FAM229B: variants seen among roughly 807,000 people sequenced by gnomAD.
FAM229B encodes the protein family with sequence similarity 229 member B, also known as protein FAM229B.
A neutral mutation model predicts 6.7 loss-of-function variants in FAM229B; 2 were observed. That is an observed-to-expected ratio of 0.30 (90% CI 0.12 to 0.94). The LOEUF (loss-of-function observed/expected upper bound fraction) is 0.94, where lower values mean the gene tolerates loss of function less well. Ranked by LOEUF, FAM229B falls within the 40% of genes least tolerant of loss-of-function variation. The pLI, the probability that FAM229B is intolerant of heterozygous loss-of-function variation, is 0.54. For synonymous variants in FAM229B, 29 were observed against 34.0 expected (o/e 0.85, Z 0.51); for missense variants, 93 against 96.2 (o/e 0.97, Z 0.14).
chr6:112,087,909 T>C lies in FAM229B; in HGVS notation c.-176+189T>C, dbSNP rs149880190. On this transcript the variant is annotated intron_variant, in intron 1 of 3. Transcript: ENST00000368656. ...CTTTATTCTAATAGAAAATGAACAA[T>C]GGCGTTGAGCAAAGAGAAACCCCAG... 4.7e-3 allele frequency among the ~76,000 whole-genome samples: 712 copies of C among 152,250 alleles called. 10 individuals carry two copies. The highest frequency in any genetic ancestry group is 0.016 in the African/African-American group (674 of 41,538).
At chr6:112,094,206 T>C (rs1157342801) in intron 1 of FAM229B, among the ~76,000 whole-genome samples, 37 of 151,964 alleles carry the variant, frequency 2.4e-4, no homozygotes. Context: ...TAATAAAGAT[T>C]GGAGTGGAAA....
chr6:112,093,422 T>C (rs1441805611), intron 1 of FAM229B, among the ~76,000 whole-genome samples: 2 of 152,074 alleles, frequency 1.3e-5, no homozygotes, highest in Non-Finnish European at 2.9e-5. Flanking sequence ...ATCACAATTA[T>C]TGTTGGAGAT....
chr6:112,098,274 C>A lies in FAM229B; in HGVS notation c.-14-996C>A, dbSNP rs139084665. On this transcript the variant is annotated intron_variant, in intron 2 of 3. Coordinates refer to ENST00000368656, the MANE Select transcript of FAM229B (RefSeq NM_001033564.3). ...ACTTAATGGATTGCATTGGCCATAG[C>A]AAGTGAAGGGTGGGAGCAGGGGGTA... Among the ~76,000 whole-genome samples the A allele has an allele frequency of 2.6e-5, 4 of 152,110 alleles. No individual in the cohort carries two copies. The East Asian group carries it at 7.7e-4, about 29-fold the overall frequency.
At chr6:112,091,260 G>A (rs1252074998) in intron 1 of FAM229B, among the ~76,000 whole-genome samples, 2 of 152,018 alleles carry the variant, frequency 1.3e-5, no homozygotes, top group Non-Finnish European at 2.9e-5. Flanking sequence ...TTATTTGTTA[G>A]AGAGTATGCA....
intron 2 of FAM229B, among the ~76,000 whole-genome samples, chr6:112,097,956 G>T (rs1246651049): frequency 6.6e-6 from 1 of 152,150 alleles, no homozygotes; most frequent in Non-Finnish European, 1.5e-5. Context: ...TCCCACCAGG[G>T]GACATTTGAC....
chr6:112,092,808 T>C (rs1351517665), intron 1 of FAM229B, among the ~76,000 whole-genome samples: 1 of 151,914 alleles, frequency 6.6e-6, no homozygotes, highest in East Asian at 1.9e-4. Context: ...ATATGTGAAG[T>C]GGTATAATGT....
chr6:112,098,268 C>T (rs112819723), intron 2 of FAM229B, among the ~76,000 whole-genome samples: 2,214 of 152,166 alleles, frequency 0.015, 60 homozygotes, highest in African/African-American at 0.051. Context: ...ATTGCATTGG[C>T]CATAGCAAGT....
intron 1 of FAM229B, among the ~76,000 whole-genome samples, chr6:112,095,830 A>G (rs1299537358): frequency 6.6e-6 from 1 of 152,088 alleles, no homozygotes; most frequent in Non-Finnish European, 1.5e-5. Flanking sequence ...AATGGCCAGC[A>G]ATTATTTGTT....
At chr6:112,089,377 C>T (rs1323102594) in intron 1 of FAM229B, among the ~76,000 whole-genome samples, 1 of 142,852 alleles carries the variant, frequency 7.0e-6, no homozygotes, top group Non-Finnish European at 1.6e-5. Context: ...AAAACCTAGC[C>T]TAAGAGGGGA....
intron 1 of FAM229B, among the ~76,000 whole-genome samples, chr6:112,093,560 T>G (rs2114504264): frequency 6.6e-6 from 1 of 152,242 alleles, no homozygotes; most frequent in Non-Finnish European, 1.5e-5. Flanking sequence ...TATAGCAGCA[T>G]GTACATTCAA....
At chr6:112,095,662 C>CAAAAA (rs376039549) in intron 1 of FAM229B, among the ~76,000 whole-genome samples, 2 of 77,902 alleles carry the variant, frequency 2.6e-5, no homozygotes, top group Non-Finnish European at 5.4e-5. Flanking sequence ...AAAAAAAAAC[C>CAAAAA]AAAAAAAAAA....
chr6:112,100,053 C>T (rs1431749441), intron 3 of FAM229B, among the ~76,000 whole-genome samples: 3 of 152,104 alleles, frequency 2.0e-5, no homozygotes, highest in Admixed American at 6.6e-5. Flanking sequence ...ATTTAAAAAT[C>T]GGAGTTAGTC....
chr6:112,096,795 TATAAG>T (rs370440715), intron 1 of FAM229B, among the ~76,000 whole-genome samples: 1 of 152,038 alleles, frequency 6.6e-6, no homozygotes, highest in Non-Finnish European at 1.5e-5. Flanking sequence ...TTTGGGATGT[TATAAG>T]AGAAGGTCTG....
At chr6:112,093,188 TAAAAG>T (rs1777280264) in intron 1 of FAM229B, among the ~76,000 whole-genome samples, 1 of 151,626 alleles carries the variant, frequency 6.6e-6, no homozygotes, top group South Asian at 2.1e-4. Flanking sequence ...TGGTTAAAAA[TAAAAG>T]AATAGGAAAA....
At chr6:112,099,516 AC>A in intron 3 of FAM229B, 108 bp downstream of exon 3, 2 of 1,116,898 alleles carry the variant, frequency 1.8e-6, no homozygotes, top group Non-Finnish European at 2.5e-6. Flanking sequence ...CAATTCAAAA[AC>A]ATTGTTGTTT....
Position 112,099,365 on chromosome 6 carries a change from A to G in FAM229B, c.82A>G (p.Ser28Gly). The change falls in exon 3 of 4, where the codon AGC becomes GGC. Residue 28 changes from serine (S) to glycine (G), a missense_variant. Physicochemically the swap from Ser to Gly is moderately conservative, Grantham distance 56. Coordinates refer to ENST00000368656, the MANE Select transcript of FAM229B (RefSeq NM_001033564.3). ...DSSIELEPGL[S>G]SSAACNGKEM... ...TTCAATTGAGCTGGAACCTGGGCTG[A>G]GCTCCAGTGCTGCCTGTAATGGGAA... 1 of 1,614,002 alleles carries G rather than the reference A, an allele frequency of 6.2e-7. No homozygotes were observed. Among genetic ancestry groups the G allele is most frequent in the East Asian group, 2.2e-5 (1 of 44,872 alleles).
intron 1 of FAM229B, 95 bp from the exon 2 acceptor site, chr6:112,096,946 A>G (rs1430673366): frequency 6.6e-6 from 1 of 152,248 alleles, no homozygotes; most frequent in Admixed American, 6.5e-5. Flanking sequence ...GCCAGTAAAA[A>G]CAAGAATGAA....
intron 1 of FAM229B, among the ~76,000 whole-genome samples, chr6:112,092,484 A>G (rs1344700257): frequency 6.6e-6 from 1 of 152,106 alleles, no homozygotes; most frequent in Non-Finnish European, 1.5e-5. Context: ...CACAATGAAT[A>G]TGAAAAAAAG....
intron 3 of FAM229B, 139 bp from the exon 4 acceptor site, chr6:112,100,531 A>T: frequency 1.6e-6 from 1 of 619,754 alleles, no homozygotes; most frequent in Non-Finnish European, 2.9e-6. Flanking sequence ...CAGCATCACC[A>T]TGTTGTACTC....
Sources: allele counts gnomAD v4.1 joint callset (sites outside exome capture counted in the v4.1 genomes callset), GRCh38; gene constraint gnomAD v4.1.1; transcripts MANE v1.5; gene names NCBI Gene and HGNC (gene_info 2026-07-23, HGNC 2026-07-21).